The following PIGL variants were observed in gnomAD, a reference collection of about 807,000 sequenced individuals.
PIGL encodes phosphatidylinositol glycan anchor biosynthesis class L, also known as N-acetylglucosaminyl-phosphatidylinositol de-N-acetylase.
In PIGL, 22 loss-of-function variants were observed where a neutral mutation model predicts 31.1. That is an observed-to-expected ratio of 0.71 (90% CI 0.51 to 1.01). PIGL has a LOEUF of 1.01. Ranked by LOEUF, PIGL falls within the 50% of genes least tolerant of loss-of-function variation. The pLI is 0.00. For synonymous variants in PIGL, 131 were observed against 117.4 expected, an observed-to-expected ratio of 1.12 and a Z score of -0.75; for missense variants, 302 against 315.9, an observed-to-expected ratio of 0.96 and a Z score of 0.33.
At chr17:16,292,725 C>G (rs2092966140) in intron 2 of PIGL, among the ~76,000 whole-genome samples, 2 of 152,182 alleles carry the variant, frequency 1.3e-5, no homozygotes, top group African/African-American at 4.8e-5. Context: ...CCCACAATAA[C>G]TGTGGTAGGA....
At chr17:16,280,425 G>T (rs2013857) in intron 2 of PIGL, among the ~76,000 whole-genome samples, 150,166 of 152,350 alleles carry the variant, frequency 0.99, 74,056 homozygotes, top group Non-Finnish European at 0.99. Context: ...AATTTAACTT[G>T]CTGTTCATGT....
At chr17:16,279,686 CAG>C in intron 2 of PIGL, 1 of 152,328 alleles carries the variant, frequency 6.6e-6, no homozygotes, top group Admixed American at 6.5e-5. Context: ...ATGTGTCTAT[CAG>C]AGGCACAGGG....
intron 1 of PIGL, among the ~76,000 whole-genome samples, chr17:16,222,067 T>C (rs1271037292): frequency 6.6e-6 from 1 of 152,162 alleles, no homozygotes; most frequent in Non-Finnish European, 1.5e-5. Flanking sequence ...AAATCCCTTC[T>C]TAAATTCACA....
At chr17:16,234,789 A>C (rs886111071) in intron 2 of PIGL, among the ~76,000 whole-genome samples, 3 of 152,152 alleles carry the variant, frequency 2.0e-5, no homozygotes, top group South Asian at 2.1e-4. Context: ...TAATAACTTC[A>C]CATTTGTTTT....
intron 2 of PIGL, among the ~76,000 whole-genome samples, chr17:16,241,407 G>A (rs922829742): frequency 2.6e-5 from 4 of 151,704 alleles, no homozygotes; most frequent in African/African-American, 9.7e-5. Flanking sequence ...TGACCAACGT[G>A]GAGAAACCCC....
intron 2 of PIGL, among the ~76,000 whole-genome samples, chr17:16,267,346 G>A (rs551094241): frequency 6.6e-5 from 10 of 152,090 alleles, no homozygotes; most frequent in African/African-American, 1.9e-4. Flanking sequence ...TGGCAGAGGC[G>A]GAAGAGGTGG....
At chr17:16,320,352 A>C (rs1455466224) in intron 6 of PIGL, among the ~76,000 whole-genome samples, 1 of 134,092 alleles carries the variant, frequency 7.5e-6, no homozygotes, top group Non-Finnish European at 1.6e-5. Context: ...AAGGGAAGGA[A>C]GAAGGAAGGA....
chr17:16,235,491 G>A (rs1305252577), intron 2 of PIGL, among the ~76,000 whole-genome samples: 9 of 121,962 alleles, frequency 7.4e-5, no homozygotes, highest in African/African-American at 2.9e-4. Flanking sequence ...TTCCCGCCCA[G>A]CCTGGAGTGC....
intron 3 of PIGL, among the ~76,000 whole-genome samples, chr17:16,305,008 C>T (rs565115332): frequency 6.6e-6 from 1 of 152,152 alleles, no homozygotes; most frequent in South Asian, 2.1e-4. Context: ...GTCTCTAGGC[C>T]GCAAGCAGTG....
At chr17:16,303,587 G>C (rs1416584330) in intron 3 of PIGL, among the ~76,000 whole-genome samples, 3 of 151,908 alleles carry the variant, frequency 2.0e-5, no homozygotes, top group African/African-American at 7.3e-5. Context: ...TGCCTAGGCT[G>C]GAGTGCAGTG....
At chr17:16,234,693 A>C (rs1178356663) in intron 2 of PIGL, among the ~76,000 whole-genome samples, 1 of 152,238 alleles carries the variant, frequency 6.6e-6, no homozygotes, top group Non-Finnish European at 1.5e-5. Flanking sequence ...TGAACCTGGG[A>C]GGCAGAGGTT....
chr17:16,265,802 T>G (rs1368606828), intron 2 of PIGL, among the ~76,000 whole-genome samples: 3 of 151,068 alleles, frequency 2.0e-5, no homozygotes, highest in Admixed American at 2.0e-4. Context: ...TCTCAACAAG[T>G]TAAGGAGAGT....
In PIGL at chr17:16,244,877, C is replaced by G. The variant is rs541714566; in HGVS notation, c.335+10807C>G. 2.1e-3 allele frequency among the ~76,000 whole-genome samples: 321 copies of G among 152,132 alleles called. 2 individuals are homozygous for G. The highest frequency in any genetic ancestry group is 6.8e-3 in the Middle Eastern group (2 of 294). ...AATTATTTTAGAGACAGGGTTTTGC[C>G]ACGTTGCATAGGCTGGTTTTGAGCT... On this transcript the variant is annotated intron_variant, in intron 2 of 6. Transcript: ENST00000225609.
intron 3 of PIGL, among the ~76,000 whole-genome samples, chr17:16,309,343 C>T (rs745440476): frequency 4.1e-4 from 63 of 152,232 alleles, no homozygotes; most frequent in Middle Eastern, 6.8e-3. Context: ...AAGAGCAAAG[C>T]GATAAAGCGA....
intron 2 of PIGL, among the ~76,000 whole-genome samples, chr17:16,253,139 A>T (rs1375825501): frequency 6.6e-6 from 1 of 152,142 alleles, no homozygotes; most frequent in African/African-American, 2.4e-5. Flanking sequence ...CATCACGCCC[A>T]GTTACCCGGG....
chr17:16,300,029 C>T, intron 3 of PIGL, 51 bp downstream of exon 3: 2 of 1,403,064 alleles, frequency 1.4e-6, no homozygotes, highest in Non-Finnish European at 2.0e-6. Context: ...GTCCCATTCA[C>T]ACCAGGTGGT....
intron 2 of PIGL, among the ~76,000 whole-genome samples, chr17:16,241,458 C>T (rs1217117203): frequency 1.3e-5 from 2 of 150,768 alleles, no homozygotes; most frequent in African/African-American, 2.4e-5. Context: ...TGTGGTGGTG[C>T]ATGGAGGCTG....
chr17:16,323,454 G>A (rs576035523), intron 6 of PIGL, among the ~76,000 whole-genome samples: 5 of 151,956 alleles, frequency 3.3e-5, no homozygotes, highest in Admixed American at 6.6e-5. Context: ...GGCTGGTCTC[G>A]AACTCCTGAC....
intron 6 of PIGL, among the ~76,000 whole-genome samples, chr17:16,325,336 A>C (rs1346817585): frequency 7.1e-6 from 1 of 141,200 alleles, no homozygotes; most frequent in Admixed American, 8.2e-5. Flanking sequence ...CAGGCTCAAA[A>C]AAAAAAAAAA....
Sources: gnomAD v4.1 joint callset for allele counts (sites outside exome capture counted in the v4.1 genomes callset) on GRCh38, gnomAD v4.1.1 for gene constraint, MANE v1.5 for transcripts, NCBI Gene and HGNC (gene_info 2026-07-23, HGNC 2026-07-21) for gene names.